The following TRIP12 variants were observed in gnomAD, a reference collection of about 807,000 sequenced individuals.
TRIP12 encodes the protein E3 ubiquitin-protein ligase TRIP12.
Under a neutral mutation model 244.2 loss-of-function variants are expected in TRIP12, and 25 were observed. The observed-to-expected ratio is 0.10, with a 90% CI of 0.07 to 0.14. TRIP12 has a LOEUF of 0.14. TRIP12 is among the 10% of genes least tolerant of loss of function. TRIP12 has a pLI of 1.00. For synonymous variants in TRIP12, 905 were observed against 873.1 expected, an observed-to-expected ratio of 1.04 and a Z score of -0.64; for missense variants, 1,677 against 2,486.4, an observed-to-expected ratio of 0.67 and a Z score of 6.92.
chr2:229,922,603 G>A, upstream of TRIP12: 1 of 1,613,956 alleles, frequency 6.2e-7, no homozygotes, highest in African/African-American at 1.3e-5. Flanking sequence ...TGGTCACCCG[G>A]TCTCAGGCAA....
chr2:229,838,709 G>C (rs970196700), intron 5 of TRIP12, among the ~76,000 whole-genome samples: 2 of 152,080 alleles, frequency 1.3e-5, no homozygotes, highest in Non-Finnish European at 2.9e-5. Flanking sequence ...GCCCAAAATA[G>C]GACAAAAACT....
At chr2:229,775,773 G>GC (rs1015544051) in intron 37 of TRIP12, among the ~76,000 whole-genome samples, 8 of 151,660 alleles carry the variant, frequency 5.3e-5, no homozygotes, top group African/African-American at 1.5e-4. Flanking sequence ...AGGACAACTT[G>GC]CCCCCATCTG....
intron 2 of TRIP12, among the ~76,000 whole-genome samples, chr2:229,876,055 C>T (rs1011095768): frequency 8.5e-5 from 13 of 152,102 alleles, no homozygotes; most frequent in Non-Finnish European, 1.6e-4. Context: ...GGGTGGATCA[C>T]CTGAGGTCAG....
intron 15 of TRIP12, among the ~76,000 whole-genome samples, chr2:229,810,083 G>A (rs1247732366): frequency 6.6e-6 from 1 of 152,230 alleles, no homozygotes; most frequent in Non-Finnish European, 1.5e-5. Flanking sequence ...ATAACAGCCA[G>A]GTGTGATGGC....
At chr2:229,844,682 G>A (rs1444051108) in intron 4 of TRIP12, among the ~76,000 whole-genome samples, 3 of 152,160 alleles carry the variant, frequency 2.0e-5, no homozygotes, top group Non-Finnish European at 4.4e-5. Flanking sequence ...TATTTGATAA[G>A]ACTCTATAAA....
At chr2:229,896,583 C>A (rs1037323951) in intron 1 of TRIP12, among the ~76,000 whole-genome samples, 2 of 151,970 alleles carry the variant, frequency 1.3e-5, no homozygotes, top group African/African-American at 2.4e-5. Context: ...CTGCACTCCA[C>A]CCTGGGTGAC....
intron 7 of TRIP12, among the ~76,000 whole-genome samples, chr2:229,830,154 G>A (rs891053184): frequency 5.3e-5 from 8 of 151,968 alleles, no homozygotes; most frequent in Non-Finnish European, 7.4e-5. Flanking sequence ...TTTTGTAAAA[G>A]CATTTGTAAC....
chr2:229,889,538 C>A (rs1343249573), intron 1 of TRIP12, among the ~76,000 whole-genome samples: 1 of 152,194 alleles, frequency 6.6e-6, no homozygotes, highest in Non-Finnish European at 1.5e-5. Flanking sequence ...TTTAACAGGT[C>A]TACAATCCTG....
intron 4 of TRIP12, among the ~76,000 whole-genome samples, chr2:229,855,316 T>A (rs559411070): frequency 1.3e-5 from 2 of 152,092 alleles, no homozygotes; most frequent in African/African-American, 4.8e-5. Flanking sequence ...ACAAGACCGA[T>A]GAGGAACAAA....
At chr2:229,834,689 G>C (rs1421089768) in intron 6 of TRIP12, among the ~76,000 whole-genome samples, 1 of 152,100 alleles carries the variant, frequency 6.6e-6, no homozygotes, top group East Asian at 1.9e-4. Context: ...GAACCCAGGA[G>C]GCAGAGGCTG....
In TRIP12 at chr2:229,803,996, C is replaced by T; in HGVS notation, c.2879+3G>A. The T allele has an allele frequency of 1.2e-6, 2 of 1,604,670 alleles. No individual in the cohort carries two copies. Among genetic ancestry groups the T allele is most frequent in the Non-Finnish European group, 1.7e-6 (2 of 1,175,926 alleles). Reference sequence around the variant, plus strand: ...AATGTTTCTACTATTTTCATTAACACACCTTGAAACAGCATGATTTTTCAG... The same window carrying T: ...AATGTTTCTACTATTTTCATTAACATACCTTGAAACAGCATGATTTTTCAG... On this transcript the variant is annotated splice_donor_region_variant and intron_variant, in intron 19 of 41. Transcript: ENST00000675903.
chr2:229,793,344 C>T (rs769504032), intron 26 of TRIP12, 199 bp from the exon 27 acceptor site: 2 of 470,262 alleles, frequency 4.3e-6, no homozygotes, highest in East Asian at 3.4e-5. Context: ...AAATAAAAGA[C>T]GGATGTGTAT....
chr2:229,836,022 G>T (rs1213083689), intron 6 of TRIP12, among the ~76,000 whole-genome samples: 1 of 150,780 alleles, frequency 6.6e-6, no homozygotes, highest in African/African-American at 2.5e-5. Flanking sequence ...GAAAAAACAA[G>T]AAGACATCAA....
At chr2:229,779,175 CTT>C (rs901858178) in intron 34 of TRIP12, among the ~76,000 whole-genome samples, 185 bp from the exon 35 acceptor site, 1 of 152,216 alleles carries the variant, frequency 6.6e-6, no homozygotes, top group Non-Finnish European at 1.5e-5. Context: ...ACTAGCAACT[CTT>C]TATTATTTCC....
At chr2:229,769,082 G>T in intron 40 of TRIP12, 149 bp downstream of exon 40, 1 of 634,820 alleles carries the variant, frequency 1.6e-6, no homozygotes, top group Non-Finnish European at 2.6e-6. Context: ...GGCCAAAACA[G>T]AAGTAAGCAT....
chr2:229,905,992 G>T (rs547227674), intron 1 of TRIP12, among the ~76,000 whole-genome samples: 23 of 152,306 alleles, frequency 1.5e-4, no homozygotes, highest in Non-Finnish European at 5.9e-5. Context: ...TATAGTAACT[G>T]TTGAAGAACC....
chr2:229,771,237 A>G (rs1574704091), intron 39 of TRIP12, among the ~76,000 whole-genome samples: 1 of 152,214 alleles, frequency 6.6e-6, no homozygotes, highest in African/African-American at 2.4e-5. Flanking sequence ...CACACACAGC[A>G]CAAGTCCCCA....
At chr2:229,857,317 TTTATA>T (rs1559897716) in intron 4 of TRIP12, among the ~76,000 whole-genome samples, 1 of 152,112 alleles carries the variant, frequency 6.6e-6, no homozygotes, top group Non-Finnish European at 1.5e-5. Context: ...CTATTTGTCC[TTTATA>T]GGTTTCTGAA....
At chr2:229,882,889 C>T (rs1006054841) in intron 1 of TRIP12, among the ~76,000 whole-genome samples, 5 of 152,104 alleles carry the variant, frequency 3.3e-5, no homozygotes, top group Non-Finnish European at 5.9e-5. Context: ...GCCTATTTGT[C>T]GATAATTCTT....
Sources: allele counts gnomAD v4.1 joint callset (sites outside exome capture counted in the v4.1 genomes callset), GRCh38; gene constraint gnomAD v4.1.1; transcripts MANE v1.5; gene names NCBI Gene and HGNC (gene_info 2026-07-23, HGNC 2026-07-21).